The following GPHN variants were observed in gnomAD, a reference collection of about 807,000 sequenced individuals.
GPHN encodes the protein gephyrin.
GPHN carries 17 observed loss-of-function variants against 95.5 expected under a neutral mutation model. The ratio of observed to expected loss-of-function variants is 0.18; its 90% CI spans 0.12 to 0.27. The LOEUF (loss-of-function observed/expected upper bound fraction) is 0.27. Among genes scored for constraint, GPHN ranks in the 10% least tolerant of loss-of-function variants. GPHN has a pLI of 1.00. For missense variants in GPHN, 660 were observed against 978.1 expected, an observed-to-expected ratio of 0.67 and a Z score of 4.34; for synonymous variants, 320 against 322.5, an observed-to-expected ratio of 0.99 and a Z score of 0.08.
At chr14:67,376,364 T>C in the GPHN span, 9 of 1,363,824 alleles carry the variant, frequency 6.6e-6, no homozygotes, top group African/African-American at 2.9e-5. Context: ...CAAATTATGT[T>C]ATTTACTAAA....
chr14:66,647,456 T>A (rs957832812), intron 1 of GPHN, among the ~76,000 whole-genome samples: 1 of 151,772 alleles, frequency 6.6e-6, no homozygotes, highest in Admixed American at 6.6e-5. Flanking sequence ...ATTGAATATA[T>A]AGCAATTCAA....
the GPHN span, chr14:67,411,952 C>T: frequency 2.1e-6 from 3 of 1,416,724 alleles, no homozygotes; most frequent in South Asian, 1.3e-5. Flanking sequence ...CGTCTGGCCC[C>T]GCTCTAGGGA....
At chr14:67,340,756 C>T in the GPHN span, among the ~76,000 whole-genome samples, 1 of 152,296 alleles carries the variant, frequency 6.6e-6, no homozygotes, top group South Asian at 2.1e-4. Context: ...GCCATCTCAG[C>T]TCACTGCAAC....
chr14:66,542,729 G>T (rs773808354), intron 1 of GPHN, among the ~76,000 whole-genome samples: 4 of 152,092 alleles, frequency 2.6e-5, no homozygotes, highest in Non-Finnish European at 5.9e-5. Flanking sequence ...ACAGTTATTT[G>T]CTTTCCAATT....
At chr14:67,412,034 C>A in the GPHN span, 7 of 1,558,418 alleles carry the variant, frequency 4.5e-6, no homozygotes, top group Non-Finnish European at 6.1e-6. Flanking sequence ...GACCAGGAAG[C>A]CCTCCTTGAG....
At chr14:66,811,959 G>C (rs111827229) in intron 3 of GPHN, among the ~76,000 whole-genome samples, 4 of 152,206 alleles carry the variant, frequency 2.6e-5, no homozygotes, top group Non-Finnish European at 4.4e-5. Context: ...CTACCATTTG[G>C]AAGAAGGCAC....
At chr14:67,467,203 C>T in the GPHN span, 1 of 152,158 alleles carries the variant, frequency 6.6e-6, no homozygotes, top group Admixed American at 6.5e-5. Flanking sequence ...TCTTCAGCAT[C>T]ACAGGAACTA....
Position 66,508,547 on chromosome 14 carries a change from T to C in GPHN, c.20T>C (p.Ile7Thr), listed in dbSNP as rs370646151. ...GGAAACATGGCGACCGAGGGAATGA[T>C]CCTTACTAACCACGACCATCAAATC... The part of the protein sequence containing the change: MATEGM[I>T]LTNHDHQIRV... The change falls in exon 1 of 23, where the codon ATC becomes ACC. Residue 7 changes from isoleucine to threonine, a missense_variant. Transcript: ENST00000478722. 9.9e-6 allele frequency: 16 copies of C among 1,613,898 alleles called. No homozygotes were observed. Among genetic ancestry groups the C allele is most frequent in the Non-Finnish European group, 1.4e-5 (16 of 1,179,924 alleles).
At chr14:67,576,744 GT>G in the GPHN span, among the ~76,000 whole-genome samples, 3 of 152,188 alleles carry the variant, frequency 2.0e-5, no homozygotes, top group African/African-American at 7.2e-5. This position sits in a 1 kb window ranked among gnomAD's most constrained non-coding sequence, Gnocchi z 4.0. Flanking sequence ...CTGGGTAAAT[GT>G]TTTACTTGGA....
At chr14:67,486,826 C>T in the GPHN span, among the ~76,000 whole-genome samples, 47 of 152,214 alleles carry the variant, frequency 3.1e-4, no homozygotes, top group African/African-American at 6.3e-4. Context: ...AGACGGCTCC[C>T]GCATGTGATG....
At chr14:67,288,017 C>T in the GPHN span, among the ~76,000 whole-genome samples, 1 of 152,158 alleles carries the variant, frequency 6.6e-6, no homozygotes, top group Non-Finnish European at 1.5e-5. Context: ...TTGTTGATTT[C>T]AGTCAGTGGT....
chr14:66,963,306 CAG>C (rs2069084906), intron 8 of GPHN, among the ~76,000 whole-genome samples: 1 of 151,924 alleles, frequency 6.6e-6, no homozygotes, highest in South Asian at 2.1e-4. Context: ...TATATACACA[CAG>C]AGATATGTAG....
At chr14:67,477,380 T>C in the GPHN span, among the ~76,000 whole-genome samples, 1 of 152,214 alleles carries the variant, frequency 6.6e-6, no homozygotes, top group Non-Finnish European at 1.5e-5. Flanking sequence ...TCCATGAGTA[T>C]AAACCAGCTT....
At chr14:67,498,460 TC>T in the GPHN span, among the ~76,000 whole-genome samples, 3 of 152,204 alleles carry the variant, frequency 2.0e-5, no homozygotes, top group Non-Finnish European at 4.4e-5. Context: ...TATTTCTTTC[TC>T]CTTTAGAGTA....
At chr14:66,914,928 T>C (rs1280304893) in intron 5 of GPHN, among the ~76,000 whole-genome samples, 1 of 152,088 alleles carries the variant, frequency 6.6e-6, no homozygotes, top group Non-Finnish European at 1.5e-5. Flanking sequence ...CTGCCAGAAC[T>C]AAAACAGATT....
At chr14:67,459,222 T>G in the GPHN span, among the ~76,000 whole-genome samples, 2 of 152,046 alleles carry the variant, frequency 1.3e-5, no homozygotes, top group Admixed American at 1.3e-4. Context: ...TTTGTAGAAA[T>G]GAGGTCTCAT....
the GPHN span, among the ~76,000 whole-genome samples, chr14:67,559,393 C>T: frequency 6.6e-6 from 1 of 152,186 alleles, no homozygotes; most frequent in East Asian, 1.9e-4. Flanking sequence ...TTTATTCAGC[C>T]AACCCCTTCG....
At chr14:67,188,968 G>A in the GPHN span, among the ~76,000 whole-genome samples, 1 of 152,010 alleles carries the variant, frequency 6.6e-6, no homozygotes, top group Admixed American at 6.6e-5. Context: ...TGGGATTGCA[G>A]GCATGAGCCA....
the GPHN span, among the ~76,000 whole-genome samples, chr14:67,603,831 G>A: frequency 1.5e-4 from 22 of 151,538 alleles, no homozygotes; most frequent in East Asian, 4.3e-3. Flanking sequence ...ACAGGCATGC[G>A]CCACCATGCC....
Sources: gnomAD v4.1 joint callset for allele counts (sites outside exome capture counted in the v4.1 genomes callset) on GRCh38, gnomAD v4.1.1 for gene constraint, Gnocchi (gnomAD v3.1) non-coding constraint, MANE v1.5 for transcripts, NCBI Gene and HGNC (gene_info 2026-07-23, HGNC 2026-07-21) for gene names.